HELQ: variants seen among roughly 807,000 people sequenced by gnomAD.
HELQ encodes the protein helicase POLQ-like.
Under a neutral mutation model 111.6 loss-of-function variants are expected in HELQ, and 77 were observed. The ratio of observed to expected loss-of-function variants is 0.69; its 90% CI spans 0.57 to 0.83. The LOEUF is 0.83. HELQ is among the 40% of genes least tolerant of loss of function. The pLI, the probability that HELQ is intolerant of heterozygous loss-of-function variation, is 0.00. For missense variants in HELQ, 1,200 were observed against 1,288.5 expected, an observed-to-expected ratio of 0.93 and a Z score of 1.05; for synonymous variants, 438 against 454.7, an observed-to-expected ratio of 0.96 and a Z score of 0.47.
chr4:83,415,721 C>G (rs1216766276), intron 17 of HELQ, among the ~76,000 whole-genome samples: 2 of 151,988 alleles, frequency 1.3e-5, no homozygotes, highest in African/African-American at 4.8e-5. Flanking sequence ...CAACCTCCAC[C>G]TCCTGGGTTC....
At chr4:83,408,124 GAAT>G (rs1456257720) in intron 17 of HELQ, among the ~76,000 whole-genome samples, 3 of 152,058 alleles carry the variant, frequency 2.0e-5, no homozygotes, top group Non-Finnish European at 2.9e-5. Context: ...AGATCAATAA[GAAT>G]AATAAGTAAA....
rs1399270092 is a variant in HELQ, at chr4:83,448,766, C to T, written c.1191+17G>A. The T allele has an allele frequency of 1.3e-6, 2 of 1,585,704 alleles. No individual in the cohort carries two copies. Among genetic ancestry groups the T allele is most frequent in the South Asian group, 1.1e-5 (1 of 87,740 alleles). The stretch of plus-strand genomic sequence containing the variant: ...CTAGCAAATAACATTTGTTTTAAAA[C>T]ATACACACACACACACCTTTTCTTG... On this transcript the variant is annotated intron_variant, in intron 3 of 17. Coordinates refer to ENST00000295488, the MANE Select transcript of HELQ (RefSeq NM_133636.5).
chr4:83,426,498 A>C (rs991499094), intron 13 of HELQ, among the ~76,000 whole-genome samples: 1 of 152,074 alleles, frequency 6.6e-6, no homozygotes, highest in African/African-American at 2.4e-5. Flanking sequence ...TATGACATTA[A>C]AAAGAAAGCT....
chr4:83,454,023 G>A, intron 1 of HELQ, 78 bp from the exon 2 acceptor site: 1 of 847,630 alleles, frequency 1.2e-6, no homozygotes, highest in Non-Finnish European at 1.9e-6. Context: ...GGCCAACATG[G>A]TCAAACCCCG....
At chr4:83,424,782 T>A (rs1719754363) in intron 14 of HELQ, among the ~76,000 whole-genome samples, 1 of 152,088 alleles carries the variant, frequency 6.6e-6, no homozygotes, top group Admixed American at 6.6e-5. Flanking sequence ...GGTCTTGAAC[T>A]CCTGACCTCA....
In HELQ at chr4:83,439,931, G is replaced by C; in HGVS notation, c.1740C>G (p.Cys580Trp). The change falls in exon 8 of 18, where the codon TGC (cysteine) becomes TGG (tryptophan). Residue 580 changes from cysteine (C) to tryptophan (W), a missense_variant. Physicochemically the swap from Cys to Trp is radical, Grantham distance 215. This residue lies in a region of HELQ where 585 missense variants were observed against 665.3 expected (regional missense o/e 0.88). Transcript: ENST00000295488. ...LVTEVIPNYSCLVFCPSKKNC... is the reference protein window; with the variant it reads ...LVTEVIPNYSWLVFCPSKKNC... The stretch of plus-strand genomic sequence containing the variant: ...TCTTCTTACTAGGACAAAAAACTAA[G>C]CAGGAATAATTGGGAATAACTTCTG... 6.2e-7 allele frequency: 1 copy of C among 1,608,714 alleles called. No homozygotes were observed. The highest frequency in any genetic ancestry group is 8.5e-7 in the Non-Finnish European group (1 of 1,175,802).
chr4:83,455,232 A>G, intron 1 of HELQ, 165 bp downstream of exon 1: 1 of 1,382,858 alleles, frequency 7.2e-7, no homozygotes, highest in East Asian at 2.5e-5. Context: ...TACATTTCAT[A>G]TTTATATAGA....
intron 15 of HELQ, 146 bp downstream of exon 15, chr4:83,421,417 T>C (rs990206755): frequency 4.8e-5 from 29 of 605,472 alleles, no homozygotes; most frequent in Admixed American, 3.1e-5. Flanking sequence ...CAAACGTACA[T>C]TTTAAATAGT....
Position 83,426,037 on chromosome 4 carries a change from T to G in HELQ, c.2732A>C (p.Glu911Ala). Residue 911 changes from glutamate (E) to alanine (A), a missense_variant, in exon 14 of 18, where the codon GAA becomes GCA. Physicochemically the swap from Glu to Ala is moderately radical, Grantham distance 107 (BLOSUM62 -1). Coordinates refer to ENST00000295488, the MANE Select transcript of HELQ (RefSeq NM_133636.5). ...QNVAAILGVS[E>A]SFIGKKASGQ... ...TGATGCTTTCTTCCCAATAAAGCTT[T>G]CAGAGACTCCAAGAATGGCAGCTAC... 1 of 1,611,700 alleles carries G rather than the reference T, an allele frequency of 6.2e-7. No individual in the cohort carries two copies. The highest frequency in any genetic ancestry group is 8.5e-7 in the Non-Finnish European group (1 of 1,178,038).
At chr4:83,449,734 A>G (rs1328662548) in intron 2 of HELQ, among the ~76,000 whole-genome samples, 8 of 152,242 alleles carry the variant, frequency 5.3e-5, no homozygotes, top group Admixed American at 5.2e-4. Context: ...TTCACAGCAG[A>G]CGGCAAATGG....
At chr4:83,407,673 T>C in intron 17 of HELQ, 113 bp from the exon 18 acceptor site, 3 of 661,644 alleles carry the variant, frequency 4.5e-6, no homozygotes, top group Non-Finnish European at 8.0e-6. Context: ...AATCTAGACA[T>C]TAAAACTATA....
intron 13 of HELQ, among the ~76,000 whole-genome samples, chr4:83,426,653 T>C (rs1719869999): frequency 6.6e-6 from 1 of 151,670 alleles, no homozygotes; most frequent in Non-Finnish European, 1.5e-5. Context: ...AACCTCCGCC[T>C]CCTGGGTTCA....
chr4:83,425,469 C>A (rs1192763023), intron 14 of HELQ, among the ~76,000 whole-genome samples: 1 of 152,090 alleles, frequency 6.6e-6, no homozygotes, highest in Admixed American at 6.6e-5. Context: ...TTAGTGTATG[C>A]ATTTGATAAC....
chr4:83,443,236 A>C (rs542846325), intron 6 of HELQ, among the ~76,000 whole-genome samples: 7 of 152,310 alleles, frequency 4.6e-5, no homozygotes, highest in Non-Finnish European at 7.4e-5. Context: ...ATAAGAAGTG[A>C]AAAAATAAAA....
intron 9 of HELQ, 26 bp downstream of exon 9, chr4:83,436,832 C>T (rs555751054): frequency 2.0e-5 from 32 of 1,589,626 alleles, no homozygotes; most frequent in Non-Finnish European, 2.7e-5. Context: ...AGTTCTGAGC[C>T]TGGTCAACAC....
chr4:83,436,324 C>T (rs529110488), intron 9 of HELQ, among the ~76,000 whole-genome samples: 118 of 151,982 alleles, frequency 7.8e-4, no homozygotes, highest in Non-Finnish European at 1.3e-3. Context: ...TTTAAACACT[C>T]ATGGAAAGTT....
Position 83,453,559 on chromosome 4 carries a change from G to A in HELQ, c.684C>T (p.His228=). Residue 228 remains histidine (H), a synonymous_variant, in exon 2 of 18, where the codon CAC becomes CAT. Coordinates refer to ENST00000295488, the MANE Select transcript of HELQ (RefSeq NM_133636.5). ...MKERDWKSSS[H]NTVNEELPHN... is the part of the protein sequence containing the mutation. Reference sequence around the variant, plus strand: ...GGGGCAGTTCCTCATTCACAGTGTTGTGAGAGGATGACTTCCAATCCCTTT... The same window carrying A: ...GGGGCAGTTCCTCATTCACAGTGTTATGAGAGGATGACTTCCAATCCCTTT... The A allele has an allele frequency of 6.2e-7, 1 of 1,613,578 alleles. No individual in the cohort carries two copies. The highest frequency in any genetic ancestry group is 1.3e-5 in the African/African-American group (1 of 75,030).
Position 83,429,703 on chromosome 4 carries a change from G to T in HELQ, c.2339C>A (p.Thr780Lys). Residue 780 changes from threonine (T) to lysine (K), a missense_variant, in exon 12 of 18, where the codon ACA (threonine) becomes AAA (lysine). By Grantham distance (78) the Thr-to-Lys change is moderately conservative. Around this residue, in one of 3 missense-constraint regions of HELQ, gnomAD observed 585 missense variants for 665.3 expected, o/e 0.88. Coordinates refer to ENST00000295488, the MANE Select transcript of HELQ (RefSeq NM_133636.5). ...LDDIYHFMNG[T>K]FFGVQQKVLL... ...AACCTTTTGCTGAACACCAAAAAAT[G>T]TACCATTCATGAAATGATAGATGTC... 1 of 1,613,218 alleles carries T rather than the reference G, an allele frequency of 6.2e-7. No individual in the cohort carries two copies. Among genetic ancestry groups the T allele is most frequent in the East Asian group, 2.2e-5 (1 of 44,796 alleles).
At chr4:83,429,143 ATTTTTTAT>A (rs1720005671) in intron 12 of HELQ, among the ~76,000 whole-genome samples, 1 of 151,916 alleles carries the variant, frequency 6.6e-6, no homozygotes, top group Admixed American at 6.6e-5. Context: ...AGAAAGTATA[ATTTTTTAT>A]TTTTTTATTT....
Sources: gnomAD v4.1 joint callset for allele counts (sites outside exome capture counted in the v4.1 genomes callset) on GRCh38, gnomAD v4.1.1 for gene constraint, gnomAD v4.1.1 regional missense constraint, MANE v1.5 for transcripts, NCBI Gene and HGNC (gene_info 2026-07-23, HGNC 2026-07-21) for gene names.